Variants in AGBL1 observed in about 807,000 individuals in gnomAD.
AGBL1 encodes AGBL carboxypeptidase 1, also known as cytosolic carboxypeptidase 4.
A neutral mutation model predicts 118.9 loss-of-function variants in AGBL1; 130 were observed. The observed-to-expected ratio is 1.09, with a 90% CI of 0.95 to 1.26. The LOEUF (loss-of-function observed/expected upper bound fraction) is 1.26. Ranked by LOEUF, AGBL1 falls within the 50% of genes most tolerant of loss-of-function variation. AGBL1 has a pLI of 0.00. For synonymous variants in AGBL1, 555 were observed against 478.9 expected, an observed-to-expected ratio of 1.16 and a Z score of -2.08; for missense variants, 1,584 against 1,298.1, an observed-to-expected ratio of 1.22 and a Z score of -3.38.
chr15:86,296,431 T>G (rs556560349), intron 17 of AGBL1: 4 of 149,006 alleles, frequency 2.7e-5, no homozygotes, highest in South Asian at 2.2e-4. Flanking sequence ...AGACATAGCC[T>G]TCCCTGGTAA....
chr15:86,588,070 T>C (rs1368269442), intron 21 of AGBL1, among the ~76,000 whole-genome samples: 1 of 152,232 alleles, frequency 6.6e-6, no homozygotes, highest in East Asian at 1.9e-4. Flanking sequence ...TATAAACTTA[T>C]GTAAAGGTAT....
At chr15:86,693,828 C>T (rs1298465986) in intron 22 of AGBL1, among the ~76,000 whole-genome samples, 1 of 152,100 alleles carries the variant, frequency 6.6e-6, no homozygotes, top group African/African-American at 2.4e-5. Flanking sequence ...TGCCAATTAT[C>T]CAGCACCATT....
At chr15:86,977,967 A>AC (rs2081191941) in intron 23 of AGBL1, among the ~76,000 whole-genome samples, 1 of 152,096 alleles carries the variant, frequency 6.6e-6, no homozygotes, top group East Asian at 1.9e-4. Context: ...AGAAATGTTA[A>AC]ATTTTATCAA....
At position 86,735,030 on chromosome 15, in the gene AGBL1, C is replaced by A. The variant is rs1302526089; in HGVS notation, c.3158+60594C>A. 7.2e-3 allele frequency among the ~76,000 whole-genome samples: 1,097 copies of A among 152,108 alleles called. 5 individuals are homozygous for A. The highest frequency in any genetic ancestry group is 0.022 in the African/African-American group (932 of 41,432). Reference sequence around the variant, plus strand: ...CATACCTTGATATGTTCATAGGCATCATACTCAGTGTGAAATAAAGATGTT... The same window carrying A: ...CATACCTTGATATGTTCATAGGCATAATACTCAGTGTGAAATAAAGATGTT... On this transcript the variant is annotated intron_variant, in intron 22 of 22. Coordinates refer to ENST00000614907, the MANE Select transcript of AGBL1 (RefSeq NM_001386094.1).
chr15:86,846,144 G>A (rs2079314040), intron 22 of AGBL1, among the ~76,000 whole-genome samples: 1 of 152,096 alleles, frequency 6.6e-6, no homozygotes, highest in Non-Finnish European at 1.5e-5. Context: ...TTACCATCTG[G>A]TGTTATTTCT....
At chr15:86,484,023 C>T (rs1405679902) in intron 18 of AGBL1, among the ~76,000 whole-genome samples, 3 of 152,092 alleles carry the variant, frequency 2.0e-5, no homozygotes, top group African/African-American at 7.2e-5. Flanking sequence ...TGAAGACCTG[C>T]TGCTTTAGTG....
chr15:86,279,330 C>T (rs570242708), intron 15 of AGBL1, among the ~76,000 whole-genome samples: 3 of 152,200 alleles, frequency 2.0e-5, no homozygotes, highest in Middle Eastern at 3.4e-3. Context: ...AGATTTTCCT[C>T]GATGTTCTAG....
intron 18 of AGBL1, among the ~76,000 whole-genome samples, chr15:86,522,104 T>C (rs145565868): frequency 3.0e-3 from 458 of 152,322 alleles, no homozygotes; most frequent in African/African-American, 0.011. Context: ...AGGTCACTTT[T>C]GTAAAGTAAC....
At chr15:86,236,942 C>CGGGGGG (rs1261702473) in intron 6 of AGBL1, among the ~76,000 whole-genome samples, 2 of 43,022 alleles carry the variant, frequency 4.6e-5, no homozygotes, top group Non-Finnish European at 3.8e-5. Flanking sequence ...CGGGGGGGGG[C>CGGGGGG]GGGGGGGGGC....
intron 18 of AGBL1, among the ~76,000 whole-genome samples, chr15:86,430,906 A>G (rs1455856466): frequency 2.0e-5 from 3 of 152,200 alleles, no homozygotes; most frequent in African/African-American, 7.2e-5. Flanking sequence ...ATTTTATACT[A>G]CAAAATCTCT....
intron 22 of AGBL1, among the ~76,000 whole-genome samples, chr15:86,683,555 A>C (rs1204720713): frequency 6.6e-6 from 1 of 152,192 alleles, no homozygotes; most frequent in Non-Finnish European, 1.5e-5. Context: ...AGGTGTAGTT[A>C]AGTGATTTAC....
chr15:86,081,859 C>T (rs1181492535), intron 1 of AGBL1, among the ~76,000 whole-genome samples: 1 of 152,204 alleles, frequency 6.6e-6, no homozygotes, highest in African/African-American at 2.4e-5. Context: ...CTCAAAGTCA[C>T]TTCAGGTTGA....
intron 16 of AGBL1, 71 bp downstream of exon 16, chr15:86,279,854 T>G: frequency 6.4e-7 from 1 of 1,556,400 alleles, no homozygotes; most frequent in Non-Finnish European, 8.8e-7. Context: ...GGGAACATTT[T>G]GGAGACCCTG....
intron 23 of AGBL1, among the ~76,000 whole-genome samples, chr15:86,968,172 G>C (rs893867546): frequency 1.7e-4 from 26 of 151,948 alleles, no homozygotes; most frequent in African/African-American, 6.3e-4. Context: ...AAATCATTTG[G>C]AGTAGTGACA....
At position 86,256,950 on chromosome 15, in the gene AGBL1, C is replaced by A. The variant is rs762669952; in HGVS notation, c.833C>A (p.Ala278Asp). 3 of 1,613,958 alleles carry A rather than the reference C, an allele frequency of 1.9e-6. No individual in the cohort carries two copies. Among genetic ancestry groups the A allele is most frequent in the Admixed American group, 1.7e-5 (1 of 60,006 alleles). Residue 278 changes from alanine to aspartate, a missense_variant, in exon 8 of 23, where the codon GCC becomes GAC. Coordinates refer to ENST00000614907, the MANE Select transcript of AGBL1 (RefSeq NM_001386094.1). The part of the protein sequence containing the change: ...YPTSPLPLVT[A>D]SSAYAFPVPG... Reference sequence around the variant, plus strand: ...ACGAGTCCACTTCCCTTGGTCACAGCCAGCAGTGCCTATGCCTTCCCGGTC... The same window carrying A: ...ACGAGTCCACTTCCCTTGGTCACAGACAGCAGTGCCTATGCCTTCCCGGTC...
intron 22 of AGBL1, among the ~76,000 whole-genome samples, chr15:86,806,344 TATGACCTGGGAGAGAAAA>T (rs1389800464): frequency 6.6e-6 from 1 of 152,026 alleles, no homozygotes; most frequent in Non-Finnish European, 1.5e-5. Context: ...GCAGAGGAAA[TATGACCTGGGAGAGAAAA>T]ATTAGGGAGA....
intron 22 of AGBL1, among the ~76,000 whole-genome samples, chr15:86,832,780 T>G (rs2079123298): frequency 6.6e-6 from 1 of 152,218 alleles, no homozygotes; most frequent in Non-Finnish European, 1.5e-5. Context: ...AACCTCTGCC[T>G]GTTACCCAGT....
chr15:86,666,483 G>A (rs2085647311), intron 21 of AGBL1, among the ~76,000 whole-genome samples: 1 of 152,044 alleles, frequency 6.6e-6, no homozygotes, highest in South Asian at 2.1e-4. Flanking sequence ...TGAAGATAAT[G>A]TGATTATTCC....
At chr15:86,212,874 T>G (rs1308573607) in intron 5 of AGBL1, among the ~76,000 whole-genome samples, 1 of 152,210 alleles carries the variant, frequency 6.6e-6, no homozygotes, top group Non-Finnish European at 1.5e-5. Context: ...GGTTTCGAAC[T>G]GTTGACCTCA....
Sources: allele counts gnomAD v4.1 joint callset (sites outside exome capture counted in the v4.1 genomes callset), GRCh38; gene constraint gnomAD v4.1.1; transcripts MANE v1.5; gene names NCBI Gene and HGNC (gene_info 2026-07-23, HGNC 2026-07-21).